CCM2L: variants seen among roughly 807,000 people sequenced by gnomAD.
CCM2L encodes the protein CCM2 like scaffold protein.
A neutral mutation model predicts 54.1 loss-of-function variants in CCM2L; 36 were observed. The observed-to-expected ratio is 0.67, with a 90% CI of 0.51 to 0.88. The LOEUF (loss-of-function observed/expected upper bound fraction) is 0.88. Ranked by LOEUF, CCM2L falls within the 40% of genes least tolerant of loss-of-function variation. The pLI is 0.00. For synonymous variants in CCM2L, 351 were observed against 359.3 expected, an observed-to-expected ratio of 0.98 and a Z score of 0.26; for missense variants, 700 against 812.1, an observed-to-expected ratio of 0.86 and a Z score of 1.68.
rs771433815 is a variant in CCM2L, at chr20:32,022,662, C to T, written c.936C>T (p.Asp312=). The change falls in exon 6 of 10, where the codon GAC becomes GAT. Residue 312 remains aspartate, a splice_region_variant and synonymous_variant. Transcript: ENST00000452892. ...CTCTCTCCTCCTCCCTGGGCCAGGA[C>T]GCTGCAGAGGAGTCCTGCGCACTCA... ...NLVILAVANR[D]AAEESCALIC... The T allele has an allele frequency of 2.6e-5, 42 of 1,613,996 alleles. No individual in the cohort carries two copies. The highest frequency in any genetic ancestry group is 1.5e-4 in the African/African-American group (11 of 75,066).
chr20:32,029,894 A>T, intron 9 of CCM2L, 56 bp downstream of exon 9: 1 of 1,482,282 alleles, frequency 6.7e-7, no homozygotes, highest in Non-Finnish European at 9.0e-7. Context: ...GGTCCATGCC[A>T]TCCCAGTCAG....
chr20:32,020,686 A>G (rs2064797160), intron 5 of CCM2L, among the ~76,000 whole-genome samples: 2 of 152,168 alleles, frequency 1.3e-5, no homozygotes, highest in South Asian at 2.1e-4. Flanking sequence ...CACTCTGTCA[A>G]TAAATCCTGT....
intron 1 of CCM2L, among the ~76,000 whole-genome samples, chr20:32,010,736 A>C (rs2064686367): frequency 6.6e-6 from 1 of 152,100 alleles, no homozygotes; most frequent in South Asian, 2.1e-4. Context: ...ACCTGGCCAG[A>C]CGGACTCAGT....
At position 32,024,298 on chromosome 20, in the gene CCM2L, G is replaced by T. The variant is rs188036615; in HGVS notation, c.1069+1503G>T. Among the ~76,000 whole-genome samples, 381 of 152,338 alleles carry T rather than the reference G, an allele frequency of 2.5e-3. 1 individual carries two copies. The highest frequency in any genetic ancestry group is 4.2e-3 in the Non-Finnish European group (286 of 68,032). ...CCTCGCATCTGTGGGAGCTGTGCTT[G>T]TTGGGAGGCTGGGTTAGTTCAACTC... On this transcript the variant is annotated intron_variant, in intron 6 of 9. Transcript: ENST00000452892.
Position 32,026,577 on chromosome 20 carries a change from T to TAA in CCM2L, c.1133+664_1133+665dup, listed in dbSNP as rs887951443. 2.6e-4 allele frequency among the ~76,000 whole-genome samples: 39 copies of TAA among 152,020 alleles called. 1 individual carries two copies. Among genetic ancestry groups the TAA allele is most frequent in the South Asian group, 4.1e-4 (2 of 4,820 alleles). Reference sequence around the variant, plus strand: ...CAAGCAAAGCTGGAAAATTTAGGATTAAAAAAATATATTTCAGGCTAGATG... The same window carrying TAA: ...CAAGCAAAGCTGGAAAATTTAGGATTAAAAAAAAATATATTTCAGGCTAGATG... On this transcript the variant is annotated intron_variant, in intron 7 of 9. Coordinates refer to ENST00000452892, the MANE Select transcript of CCM2L (RefSeq NM_001365692.1).
At chr20:32,020,051 T>G (rs2064788713) in intron 5 of CCM2L, among the ~76,000 whole-genome samples, 1 of 152,148 alleles carries the variant, frequency 6.6e-6, no homozygotes, top group South Asian at 2.1e-4. Flanking sequence ...CCCGACCATG[T>G]TTCTTGAGTG....
Position 32,030,719 on chromosome 20 carries a change from C to G in CCM2L, c.1403-282C>G, listed in dbSNP as rs143033940. The stretch of plus-strand genomic sequence containing the variant: ...GCGTGGTGGTGTGCGCCTGTAATCC[C>G]AGCTACTTGGGAGGCTGAGGCATGA... On this transcript the variant is annotated intron_variant, in intron 9 of 9. Transcript: ENST00000452892. Among the ~76,000 whole-genome samples the G allele has an allele frequency of 2.7e-3, 411 of 151,352 alleles. 8 individuals carry two copies. In the East Asian group the frequency reaches 0.037, roughly 14 times the overall value.
At chr20:32,018,823 G>C (rs1056668757) in intron 4 of CCM2L, 120 bp from the exon 5 acceptor site, 58 of 1,150,006 alleles carry the variant, frequency 5.0e-5, no homozygotes, top group Non-Finnish European at 6.2e-5. Flanking sequence ...CTTTAAAGCC[G>C]GGGGCGAGGC....
chr20:32,020,861 G>GTA (rs2064799714), intron 5 of CCM2L, among the ~76,000 whole-genome samples: 1 of 152,144 alleles, frequency 6.6e-6, no homozygotes, highest in Non-Finnish European at 1.5e-5. Context: ...GCGGGTGCCT[G>GTA]TAATCTCAGC....
chr20:32,020,484 G>A (rs922977824), intron 5 of CCM2L, among the ~76,000 whole-genome samples: 9 of 152,144 alleles, frequency 5.9e-5, no homozygotes, highest in South Asian at 2.1e-4. Context: ...ATCTGCATCT[G>A]AAGATCTAAC....
intron 2 of CCM2L, among the ~76,000 whole-genome samples, chr20:32,016,794 AAAAAG>A (rs1235794058): frequency 1.3e-5 from 2 of 152,198 alleles, no homozygotes; most frequent in Non-Finnish European, 2.9e-5. Flanking sequence ...GATAAAGAAT[AAAAAG>A]AAGAGAAAAT....
chr20:32,022,680 C>T lies in CCM2L; in HGVS notation c.954C>T (p.Cys318=), dbSNP rs115498414. The T allele has an allele frequency of 9.4e-4, 1,515 of 1,614,134 alleles. 14 individuals are homozygous for T. The African/African-American group carries it at 0.016, about 18-fold the overall frequency. ...GCCAGGACGCTGCAGAGGAGTCCTG[C>T]GCACTCATCTGTCAGGTCTTCCAGA... ...VANRDAAEES[C]ALICQVFQII... Residue 318 remains cysteine (C), a synonymous_variant, in exon 6 of 10, where the codon TGC becomes TGT. Coordinates refer to ENST00000452892, the MANE Select transcript of CCM2L (RefSeq NM_001365692.1).
chr20:32,021,085 A>C (rs949172914), intron 5 of CCM2L, among the ~76,000 whole-genome samples: 1 of 152,004 alleles, frequency 6.6e-6, no homozygotes, highest in African/African-American at 2.4e-5. Flanking sequence ...TGACTGGTTC[A>C]GCCCTTGCTG....
intron 1 of CCM2L, among the ~76,000 whole-genome samples, chr20:32,013,877 G>C (rs1228159733): frequency 6.6e-6 from 1 of 152,182 alleles, no homozygotes; most frequent in Non-Finnish European, 1.5e-5. Flanking sequence ...CCTACTCCCA[G>C]AGTTTCTAAT....
chr20:32,025,987 A>G, intron 7 of CCM2L, 68 bp downstream of exon 7: 2 of 1,212,924 alleles, frequency 1.6e-6, no homozygotes. Flanking sequence ...GTGACTAGAG[A>G]GGGTAGGAGA....
chr20:32,025,127 CTTTCT>C (rs148642789), intron 6 of CCM2L, among the ~76,000 whole-genome samples: 1,985 of 148,390 alleles, frequency 0.013, 44 homozygotes, highest in African/African-American at 0.045. Context: ...CCCTTTCTTT[CTTTCT>C]TTTCTTTTCC....
chr20:32,022,033 A>G (rs1341731342), intron 5 of CCM2L, among the ~76,000 whole-genome samples: 1 of 152,196 alleles, frequency 6.6e-6, no homozygotes, highest in Non-Finnish European at 1.5e-5. Flanking sequence ...GTCTTCATCA[A>G]TTACTGGTTT....
chr20:32,029,695 C>A lies in CCM2L; in HGVS notation c.1264-5C>A. On this transcript the variant is annotated splice_region_variant and splice_polypyrimidine_tract_variant and intron_variant, in intron 8 of 9. Transcript: ENST00000452892. ...GATTGATCTCGAATGGTGTCCCCCA[C>A]ATAGTTGCGGAGTAAGCTGGGGCCC... 6.2e-7 allele frequency: 1 copy of A among 1,604,526 alleles called. No homozygotes were observed. The highest frequency in any genetic ancestry group is 1.7e-5 in the Admixed American group (1 of 58,942).
In CCM2L at chr20:32,014,995, C is replaced by T. The variant is rs867140534; in HGVS notation, c.122C>T (p.Ser41Leu). Residue 41 changes from serine to leucine, a missense_variant, in exon 2 of 10, where the codon TCG becomes TTG. By Grantham distance (145) the Ser-to-Leu change is moderately radical (BLOSUM62 -2). Transcript: ENST00000452892. ...AGCGTGAGCCGCCGGCCCCTGCACT[C>T]GATGCCCCTTTATCCCCCCGACTAC... Reference protein sequence around the residue: ...RSSVSRRPLHSMPLYPPDYLI... With the variant: ...RSSVSRRPLHLMPLYPPDYLI... 10 of 1,581,020 alleles carry T rather than the reference C, an allele frequency of 6.3e-6. No individual in the cohort carries two copies. Among genetic ancestry groups the T allele is most frequent in the Middle Eastern group, 1.7e-4 (1 of 5,960 alleles).
Sources: allele counts gnomAD v4.1 joint callset (sites outside exome capture counted in the v4.1 genomes callset), GRCh38; gene constraint gnomAD v4.1.1; transcripts MANE v1.5; gene names NCBI Gene and HGNC (gene_info 2026-07-23, HGNC 2026-07-21).